SP140L: variants seen among roughly 807,000 people sequenced by gnomAD.
SP140L encodes the protein nuclear body protein SP140-like protein.
SP140L carries 64 observed loss-of-function variants against 84.3 expected under a neutral mutation model. The observed-to-expected ratio is 0.76, with a 90% CI of 0.62 to 0.94. SP140L has a LOEUF of 0.94. Among genes scored for constraint, SP140L ranks in the 40% least tolerant of loss-of-function variants. The pLI is 0.00. For missense variants in SP140L, 628 were observed against 692.5 expected (o/e 0.91, Z 1.05); for synonymous variants, 242 against 236.9 (o/e 1.02, Z -0.20).
intron 9 of SP140L, among the ~76,000 whole-genome samples, chr2:230,386,600 C>G (rs2061592361): frequency 6.6e-6 from 1 of 152,136 alleles, no homozygotes; most frequent in South Asian, 2.1e-4. Flanking sequence ...CCTTGCTCAG[C>G]CACTTGATTC....
At chr2:230,400,669 G>A in intron 15 of SP140L, 1 of 620,032 alleles carries the variant, frequency 1.6e-6, no homozygotes, top group Non-Finnish European at 2.7e-6. Flanking sequence ...CACAGGCCTG[G>A]CAGGCAGGAC....
At chr2:230,388,475 T>C in intron 9 of SP140L, 84 bp from the exon 10 acceptor site, 1 of 1,167,084 alleles carries the variant, frequency 8.6e-7, no homozygotes, top group Non-Finnish European at 1.2e-6. Flanking sequence ...GAAAGTTACA[T>C]TTAAATGGAA....
Position 230,371,623 on chromosome 2 carries a change from T to C in SP140L, c.609T>C (p.Ser203=), listed in dbSNP as rs2149767031. ...KMDTVDIANN[S]TLGKPKRKRR... Reference sequence around the variant, plus strand: ...ATACTGTGGATATTGCAAACAACTCTACTTTGGGAAAACCCAAGAGGAAAA... The same window carrying C: ...ATACTGTGGATATTGCAAACAACTCCACTTTGGGAAAACCCAAGAGGAAAA... The change falls in exon 7 of 19, where the codon TCT becomes TCC. Residue 203 remains serine, a synonymous_variant. Transcript: ENST00000415673. 13 of 1,607,302 alleles carry C rather than the reference T, an allele frequency of 8.1e-6. No homozygotes were observed. Among genetic ancestry groups the C allele is most frequent in the South Asian group, 2.2e-5 (2 of 90,598 alleles).
At chr2:230,391,152 T>G (rs371715220) in intron 11 of SP140L, among the ~76,000 whole-genome samples, 24 of 152,368 alleles carry the variant, frequency 1.6e-4, no homozygotes, top group African/African-American at 5.3e-4. Context: ...TTTCACTCTT[T>G]GGCTGTTATA....
intron 2 of SP140L, among the ~76,000 whole-genome samples, chr2:230,351,806 C>G (rs977064753): frequency 4.6e-5 from 7 of 151,550 alleles, no homozygotes; most frequent in Middle Eastern, 3.4e-3. Context: ...ATCACCACAT[C>G]TGGCTAATTT....
intron 2 of SP140L, among the ~76,000 whole-genome samples, chr2:230,354,881 G>GAAAGAAAGAAAGAAGGAAAGAAAGAAAGA (rs2060485189): frequency 8.0e-6 from 1 of 125,522 alleles, no homozygotes; most frequent in African/African-American, 3.1e-5. Context: ...AAGAAAGAAA[G>GAAAGAAAGAAAGAAGGAAAGAAAGAAAGA]AAAGAAAGAA....
chr2:230,375,024 C>T (rs2061199526), intron 7 of SP140L, among the ~76,000 whole-genome samples: 2 of 152,096 alleles, frequency 1.3e-5, no homozygotes, highest in African/African-American at 4.8e-5. Context: ...ATCTGTCAGT[C>T]TTTTCATTTA....
rs539622833 is a variant in SP140L at position 230,392,377 on chromosome 2, C to G, written c.1107+148C>G. Reference sequence around the variant, plus strand: ...CCTCTCACTCAGGAGAGAGGGACCCCATATCCATAACCACACTACAGTGCA... The same window carrying G: ...CCTCTCACTCAGGAGAGAGGGACCCGATATCCATAACCACACTACAGTGCA... On this transcript the variant is annotated intron_variant, in intron 12 of 18. Transcript: ENST00000415673. The G allele has an allele frequency of 6.2e-5, 78 of 1,267,840 alleles. 1 individual carries two copies. The South Asian group carries it at 1.1e-3, about 18-fold the overall frequency. The allele number at this position is 1,267,840 out of a possible 1,614,324, so 78.5% of individuals were successfully genotyped here. A position where few individuals can be genotyped will look rare whatever the true frequency, so the allele number is the denominator to read the frequency against.
intron 7 of SP140L, among the ~76,000 whole-genome samples, chr2:230,373,629 A>G (rs2061156629): frequency 6.6e-6 from 1 of 152,196 alleles, no homozygotes; most frequent in African/African-American, 2.4e-5. Flanking sequence ...CAGTGCACGT[A>G]GTCATACAGG....
chr2:230,371,203 A>T lies in SP140L; in HGVS notation c.583+236A>T, dbSNP rs573826340. On this transcript the variant is annotated intron_variant, in intron 6 of 18. Coordinates refer to ENST00000415673, the MANE Select transcript of SP140L (RefSeq NM_138402.6). ...GAATGGTGCTGCTCTTTAAAGTGGCAGTTATCCTGTTTATTGCATTAATAT... is the reference window on the plus strand; with the variant it reads ...GAATGGTGCTGCTCTTTAAAGTGGCTGTTATCCTGTTTATTGCATTAATAT... Among the ~76,000 whole-genome samples, 6 of 152,362 alleles carry T rather than the reference A, an allele frequency of 3.9e-5. No individual in the cohort carries two copies. The East Asian group carries it at 1.2e-3, about 29-fold the overall frequency.
intron 7 of SP140L, among the ~76,000 whole-genome samples, chr2:230,376,128 A>G (rs2061234246): frequency 6.6e-6 from 1 of 152,148 alleles, no homozygotes; most frequent in East Asian, 1.9e-4. Context: ...GCTTGTGGAT[A>G]TTCAGTTTTC....
In SP140L at chr2:230,403,120, T is replaced by C. The variant is rs1425494341; in HGVS notation, c.*224T>C. On this transcript the variant is annotated 3_prime_UTR_variant, in exon 19 of 19. Coordinates refer to ENST00000415673, the MANE Select transcript of SP140L (RefSeq NM_138402.6). Reference sequence around the variant, plus strand: ...GAACTGAGATCACAGGGAAGGAGATTGGAGGTGATACCAGCACAGACAGAC... The same window carrying C: ...GAACTGAGATCACAGGGAAGGAGATCGGAGGTGATACCAGCACAGACAGAC... 4.1e-6 allele frequency: 2 copies of C among 490,062 alleles called. No homozygotes were observed. Among genetic ancestry groups the C allele is most frequent in the Non-Finnish European group, 7.1e-6 (2 of 280,038 alleles). The allele number at this position is 490,062 out of a possible 1,614,324, so 30.4% of individuals were successfully genotyped here.
chr2:230,350,022 A>G (rs2060319393), intron 2 of SP140L, among the ~76,000 whole-genome samples: 1 of 152,054 alleles, frequency 6.6e-6, no homozygotes, highest in Non-Finnish European at 1.5e-5. Flanking sequence ...AATAAAATAA[A>G]ATAAATATAC....
chr2:230,390,152 A>T, intron 11 of SP140L, 129 bp downstream of exon 11: 1 of 761,508 alleles, frequency 1.3e-6, no homozygotes, highest in Non-Finnish European at 2.1e-6. Context: ...GGGAAGGAGG[A>T]AGGGATCCCT....
At chr2:230,390,561 G>T (rs971044346) in intron 11 of SP140L, among the ~76,000 whole-genome samples, 3 of 152,130 alleles carry the variant, frequency 2.0e-5, no homozygotes, top group African/African-American at 7.2e-5. Context: ...GTAGCTGTGA[G>T]AATTAATTTA....
At chr2:230,378,556 T>C (rs2061318565) in intron 7 of SP140L, among the ~76,000 whole-genome samples, 3 of 152,234 alleles carry the variant, frequency 2.0e-5, no homozygotes, top group Admixed American at 2.0e-4. Flanking sequence ...AGAGAGGTTA[T>C]GAACTGTGGT....
chr2:230,384,364 A>T (rs1221430331), intron 8 of SP140L, among the ~76,000 whole-genome samples: 3 of 152,156 alleles, frequency 2.0e-5, no homozygotes, highest in Admixed American at 2.0e-4. Context: ...ATAATTATAT[A>T]TGTTATTTAT....
At chr2:230,331,856 GT>G (rs1559399519) in intron 2 of SP140L, among the ~76,000 whole-genome samples, 2 of 151,926 alleles carry the variant, frequency 1.3e-5, no homozygotes, top group South Asian at 4.1e-4. Flanking sequence ...TTATTGTCTT[GT>G]TTTTTTCTGG....
In SP140L at chr2:230,398,851, G is replaced by C. The variant is rs1447882251; in HGVS notation, c.1198-1276G>C. Among the ~76,000 whole-genome samples, 5 of 152,364 alleles carry C rather than the reference G, an allele frequency of 3.3e-5. No homozygotes were observed. In the South Asian group the frequency reaches 1.0e-3, roughly 32 times the overall value. On this transcript the variant is annotated intron_variant, in intron 14 of 18. Transcript: ENST00000415673. ...GAGGGTGGGCTGTCCCCGGCTTCCAGAGGGAGAGTGTGATTGGCTTGTTTG... is the reference window on the plus strand; with the variant it reads ...GAGGGTGGGCTGTCCCCGGCTTCCACAGGGAGAGTGTGATTGGCTTGTTTG...
Sources: allele counts gnomAD v4.1 joint callset (sites outside exome capture counted in the v4.1 genomes callset), GRCh38; gene constraint gnomAD v4.1.1; transcripts MANE v1.5; gene names NCBI Gene and HGNC (gene_info 2026-07-23, HGNC 2026-07-21).